The following ZNF609 variants were observed in gnomAD, a reference collection of about 807,000 sequenced individuals.
The protein encoded by ZNF609 is zinc finger protein 609.
A neutral mutation model predicts 109.5 loss-of-function variants in ZNF609; 11 were observed. The ratio of observed to expected loss-of-function variants is 0.10; its 90% CI spans 0.06 to 0.17. ZNF609 has a LOEUF of 0.17. ZNF609 is among the 10% of genes least tolerant of loss of function. ZNF609 has a pLI of 1.00. For missense variants in ZNF609, 1,559 were observed against 1,772.4 expected (o/e 0.88, Z 2.16); for synonymous variants, 646 against 662.0 (o/e 0.98, Z 0.37).
chr15:64,616,419 A>G (rs1259368143), intron 2 of ZNF609, among the ~76,000 whole-genome samples: 1 of 151,736 alleles, frequency 6.6e-6, no homozygotes, highest in African/African-American at 2.4e-5. Context: ...TGGGGAGATG[A>G]ATGACTCTGG....
chr15:64,471,992 C>T (rs1305756662), intron 1 of ZNF609, among the ~76,000 whole-genome samples: 1 of 152,140 alleles, frequency 6.6e-6, no homozygotes, highest in Non-Finnish European at 1.5e-5. Context: ...CTAACTGCAT[C>T]CTCAGCCTCC....
At chr15:64,598,505 A>G (rs1296731959) in intron 2 of ZNF609, among the ~76,000 whole-genome samples, 2 of 151,836 alleles carry the variant, frequency 1.3e-5, no homozygotes, top group East Asian at 3.9e-4. Flanking sequence ...TTAATTTTCT[A>G]ACACTTCTCA....
At chr15:64,465,861 A>G (rs566397493) in intron 1 of ZNF609, among the ~76,000 whole-genome samples, 1 of 150,928 alleles carries the variant, frequency 6.6e-6, no homozygotes, top group East Asian at 2.0e-4. Context: ...CATGCCTGTA[A>G]TCCCAGCACT....
chr15:64,542,014 A>G (rs750083373), intron 2 of ZNF609, among the ~76,000 whole-genome samples: 1 of 151,780 alleles, frequency 6.6e-6, no homozygotes, highest in African/African-American at 2.4e-5. Context: ...TGGGCATGGT[A>G]GTATAGACCT....
chr15:64,597,446 T>G (rs967802838), intron 2 of ZNF609, among the ~76,000 whole-genome samples: 1 of 152,294 alleles, frequency 6.6e-6, no homozygotes, highest in East Asian at 1.9e-4. Context: ...TGGGTATTGT[T>G]TAGCTGACCT....
In ZNF609 at chr15:64,670,334, C is replaced by T; in HGVS notation, c.974-12C>T. 2 of 1,612,102 alleles carry T rather than the reference C, an allele frequency of 1.2e-6. No individual in the cohort carries two copies. Among genetic ancestry groups the T allele is most frequent in the Non-Finnish European group, 1.7e-6 (2 of 1,178,244 alleles). ...TGTGTCTTGTCTATATCTATGTGCTCTTATTTTCCAGGGATGTTGGTGGTA... is the reference window on the plus strand; with the variant it reads ...TGTGTCTTGTCTATATCTATGTGCTTTTATTTTCCAGGGATGTTGGTGGTA... On this transcript the variant is annotated splice_polypyrimidine_tract_variant and intron_variant, in intron 3 of 9. Coordinates refer to ENST00000326648, the MANE Select transcript of ZNF609 (RefSeq NM_015042.2).
chr15:64,500,152 G>A lies in ZNF609; in HGVS notation c.733G>A (p.Val245Ile). The A allele has an allele frequency of 6.2e-7, 1 of 1,613,434 alleles. No homozygotes were observed. The highest frequency in any genetic ancestry group is 8.5e-7 in the Non-Finnish European group (1 of 1,179,990). The part of the protein sequence containing the change: ...GENECRLLKK[V>I]KSEKMESPVS... ...GAATGAGTGTCGCCTGCTAAAGAAA[G>A]TCAAGTCTGAAAAGGTAAGAGGTGG... The change falls in exon 2 of 10, where the codon GTC becomes ATC. Residue 245 changes from valine to isoleucine, a missense_variant. Val to Ile is a conservative substitution (Grantham distance 29). Around this residue, in one of 4 missense-constraint regions of ZNF609, gnomAD observed 291 missense variants for 317.8 expected, o/e 0.92. Coordinates refer to ENST00000326648, the MANE Select transcript of ZNF609 (RefSeq NM_015042.2).
intron 1 of ZNF609, among the ~76,000 whole-genome samples, chr15:64,477,406 C>T (rs1441383156): frequency 1.3e-5 from 2 of 151,934 alleles, no homozygotes; most frequent in African/African-American, 4.8e-5. Context: ...TCCCAAAGTG[C>T]TGAGATTACA....
intron 2 of ZNF609, among the ~76,000 whole-genome samples, chr15:64,565,012 T>G (rs1894753178): frequency 6.6e-6 from 1 of 151,436 alleles, no homozygotes; most frequent in African/African-American, 2.4e-5. Context: ...CACGCCTGGC[T>G]AATTTTTTTG....
chr15:64,607,819 C>A (rs1249229958), intron 2 of ZNF609, among the ~76,000 whole-genome samples: 2 of 5,524 alleles, frequency 3.6e-4, no homozygotes, highest in East Asian at 0.038. Context: ...ATGTTTTCTT[C>A]TTTCTTTCTT....
intron 1 of ZNF609, among the ~76,000 whole-genome samples, chr15:64,464,778 A>G (rs1892988125): frequency 6.6e-6 from 1 of 152,210 alleles, no homozygotes; most frequent in Non-Finnish European, 1.5e-5. Flanking sequence ...GTAATTCACC[A>G]AAGCACCTGC....
Position 64,499,874 on chromosome 15 carries a change from G to T in ZNF609, c.455G>T (p.Ser152Ile), listed in dbSNP as rs1049227916. 4 of 1,614,054 alleles carry T rather than the reference G, an allele frequency of 2.5e-6. No individual in the cohort carries two copies. The highest frequency in any genetic ancestry group is 3.4e-6 in the Non-Finnish European group (4 of 1,180,006). The change falls in exon 2 of 10, where the codon AGT becomes ATT. Residue 152 changes from serine to isoleucine, a missense_variant. By Grantham distance (142) the Ser-to-Ile change is moderately radical. Coordinates refer to ENST00000326648, the MANE Select transcript of ZNF609 (RefSeq NM_015042.2). ...GSEKAAKASR[S>I]VAGSKKEKEN... is the part of the protein sequence containing the mutation. ...GAGAAGGCGGCTAAGGCATCCCGCAGTGTAGCCGGTTCCAAAAAGGAGAAG... is the reference window on the plus strand; with the variant it reads ...GAGAAGGCGGCTAAGGCATCCCGCATTGTAGCCGGTTCCAAAAAGGAGAAG...
intron 2 of ZNF609, among the ~76,000 whole-genome samples, chr15:64,544,546 T>C (rs1393502943): frequency 3.9e-5 from 6 of 152,182 alleles, no homozygotes; most frequent in African/African-American, 1.4e-4. Context: ...ACAAATGATG[T>C]TGAGGTTAGT....
chr15:64,521,190 C>T (rs1284547298), intron 2 of ZNF609, among the ~76,000 whole-genome samples: 1 of 152,164 alleles, frequency 6.6e-6, no homozygotes, highest in Non-Finnish European at 1.5e-5. Context: ...GATAAGATCC[C>T]ATTTTGAAGT....
intron 2 of ZNF609, among the ~76,000 whole-genome samples, chr15:64,578,638 G>C (rs1010270421): frequency 1.3e-5 from 2 of 152,182 alleles, no homozygotes; most frequent in African/African-American, 2.4e-5. Flanking sequence ...GGTTGCAGTA[G>C]CTGAGATCGT....
At chr15:64,557,238 T>C (rs1205734170) in intron 2 of ZNF609, among the ~76,000 whole-genome samples, 1 of 151,932 alleles carries the variant, frequency 6.6e-6, no homozygotes, top group East Asian at 1.9e-4. Flanking sequence ...TGTGTAATTC[T>C]TTACATACCT....
At chr15:64,488,667 G>A (rs1893365412) in intron 1 of ZNF609, among the ~76,000 whole-genome samples, 1 of 152,142 alleles carries the variant, frequency 6.6e-6, no homozygotes, top group African/African-American at 2.4e-5. Context: ...AGGGCTTCTT[G>A]TAGAATAGAT....
At chr15:64,660,031 C>T (rs941927594) in intron 3 of ZNF609, among the ~76,000 whole-genome samples, 9 of 151,918 alleles carry the variant, frequency 5.9e-5, no homozygotes, top group East Asian at 1.9e-4. Context: ...GATGGGGTTT[C>T]GCCATGTTGG....
rs143407625 is a variant in ZNF609, at chr15:64,483,742, C to T, written c.-127-15551C>T. Among the ~76,000 whole-genome samples the T allele has an allele frequency of 1.1e-3, 161 of 152,230 alleles. 1 individual carries two copies. The highest frequency in any genetic ancestry group is 3.6e-3 in the African/African-American group (151 of 41,544). On this transcript the variant is annotated intron_variant, in intron 1 of 9. Transcript: ENST00000326648. ...CTACTATATAAGGTGTATTAATTAT[C>T]TGAGCTGGCCTTGAACTCCTGGGCT...
Sources: gnomAD v4.1 joint callset for allele counts (sites outside exome capture counted in the v4.1 genomes callset) on GRCh38, gnomAD v4.1.1 for gene constraint, gnomAD v4.1.1 regional missense constraint, MANE v1.5 for transcripts, NCBI Gene and HGNC (gene_info 2026-07-23, HGNC 2026-07-21) for gene names.